The following ST3GAL4 variants were observed in gnomAD, a reference collection of about 807,000 sequenced individuals.
The protein encoded by ST3GAL4 is CMP-N-acetylneuraminate-beta-galactosamide-alpha-2,3-sialyltransferase 4.
ST3GAL4 carries 24 observed loss-of-function variants against 42.6 expected under a neutral mutation model. The observed-to-expected ratio is 0.56, with a 90% CI of 0.41 to 0.79. The LOEUF is 0.79. Ranked by LOEUF, ST3GAL4 falls within the 30% of genes least tolerant of loss-of-function variation. The pLI, the probability that ST3GAL4 is intolerant of heterozygous loss-of-function variation, is 0.00. For missense variants in ST3GAL4, 311 were observed against 430.8 expected, an observed-to-expected ratio of 0.72 and a Z score of 2.46; for synonymous variants, 135 against 163.2, an observed-to-expected ratio of 0.83 and a Z score of 1.32.
At chr11:126,412,252 G>A (rs1954564369) in intron 9 of ST3GAL4, among the ~76,000 whole-genome samples, 1 of 152,160 alleles carries the variant, frequency 6.6e-6, no homozygotes, top group Non-Finnish European at 1.5e-5. Context: ...ACACACTGGT[G>A]GTGAAAGCAA....
At chr11:126,399,158 A>G (rs981005105) in intron 1 of ST3GAL4, among the ~76,000 whole-genome samples, 1 of 152,130 alleles carries the variant, frequency 6.6e-6, no homozygotes, top group Non-Finnish European at 1.5e-5. Flanking sequence ...TTCTTATTAA[A>G]CTATCAAACG....
chr11:126,360,136 C>T (rs745676047), intron 1 of ST3GAL4, among the ~76,000 whole-genome samples: 2 of 152,258 alleles, frequency 1.3e-5, no homozygotes, highest in African/African-American at 4.8e-5. Flanking sequence ...CGGCAGCCCT[C>T]CCTGTCTCTT....
chr11:126,407,965 G>A, intron 6 of ST3GAL4, 134 bp from the exon 7 acceptor site: 2 of 1,007,240 alleles, frequency 2.0e-6, no homozygotes, highest in Non-Finnish European at 2.9e-6. Context: ...GGACCACGGG[G>A]TGATGCCTGC....
In ST3GAL4 at chr11:126,406,237, C is replaced by A. The variant is rs376871531; in HGVS notation, c.16+66C>A. 13 of 1,551,168 alleles carry A rather than the reference C, an allele frequency of 8.4e-6. No individual in the cohort carries two copies. The highest frequency in any genetic ancestry group is 1.0e-5 in the Non-Finnish European group (12 of 1,147,616). ...CCTCAGAAGCCGTCTTCAGCAGGAT[C>A]CTGGGACCTCTGGGGGCTGTGGAGG... On this transcript the variant is annotated intron_variant, in intron 2 of 10. Coordinates refer to ENST00000444328, the MANE Select transcript of ST3GAL4 (RefSeq NM_001254757.2). The surrounding 1 kb of genome is among the most constrained non-coding windows in gnomAD (Gnocchi z 5.4).
chr11:126,378,408 G>T lies in ST3GAL4; in HGVS notation c.-61+22566G>T, dbSNP rs759218779. On this transcript the variant is annotated intron_variant, in intron 1 of 10. Coordinates refer to ENST00000444328, the MANE Select transcript of ST3GAL4 (RefSeq NM_001254757.2). This position sits in a 1 kb window ranked among gnomAD's most constrained non-coding sequence, Gnocchi z 5.3. ...CTGTATGCCATCATCAATTAGGGAT[G>T]ATTGGTTTTCTTTTTATTTGAGACG... Among the ~76,000 whole-genome samples the T allele has an allele frequency of 6.6e-6, 1 of 152,112 alleles. No homozygotes were observed. The highest frequency in any genetic ancestry group is 1.5e-5 in the Non-Finnish European group (1 of 68,016).
At chr11:126,382,144 C>T (rs1368202838) in intron 1 of ST3GAL4, among the ~76,000 whole-genome samples, 1 of 151,582 alleles carries the variant, frequency 6.6e-6, no homozygotes, top group African/African-American at 2.4e-5. Context: ...CTTTGGGGCA[C>T]AGCTGGACTG....
intron 1 of ST3GAL4, among the ~76,000 whole-genome samples, chr11:126,385,188 G>T (rs1170222745): frequency 1.3e-5 from 2 of 150,816 alleles, no homozygotes; most frequent in Admixed American, 6.6e-5. Flanking sequence ...ATGGAGTCTT[G>T]CTCTGTTGCC....
rs2236653 is a variant in ST3GAL4, at chr11:126,413,890, C to T, written c.916-71C>T. The T allele has an allele frequency of 0.44, 680,696 of 1,557,912 alleles. 150,776 individuals are homozygous for T. Among genetic ancestry groups the T allele is most frequent in the East Asian group, 0.66 (29,192 of 44,432 alleles). ...AGAAGTGTGGGGCCATTGGGAGGGG[C>T]AGGGAGACTTTCCTGGGGACAGAGA... On this transcript the variant is annotated intron_variant, in intron 10 of 10. Coordinates refer to ENST00000444328, the MANE Select transcript of ST3GAL4 (RefSeq NM_001254757.2).
chr11:126,375,869 CTTTTTTTTT>C (rs11443803), intron 1 of ST3GAL4, among the ~76,000 whole-genome samples: 2 of 122,646 alleles, frequency 1.6e-5, no homozygotes, highest in Non-Finnish European at 3.4e-5. Context: ...CCTTTTCTTC[CTTTTTTTTT>C]TTTTTTTTTT....
Position 126,410,829 on chromosome 11 carries a change from C to A in ST3GAL4, c.771+1418C>A, listed in dbSNP as rs923625399. 6.6e-6 allele frequency among the ~76,000 whole-genome samples: 1 copy of A among 152,068 alleles called. No homozygotes were observed. Among genetic ancestry groups the A allele is most frequent in the Non-Finnish European group, 1.5e-5 (1 of 68,030 alleles). ...CACAATGGAGAGTTGTTCCCAATGC[C>A]GTGGAATCTCAGAGGAGGGGCAGAC... is the stretch of plus-strand genomic sequence containing the variant. On this transcript the variant is annotated intron_variant, in intron 9 of 10. Coordinates refer to ENST00000444328, the MANE Select transcript of ST3GAL4 (RefSeq NM_001254757.2). The surrounding 1 kb of genome is among the most constrained non-coding windows in gnomAD (Gnocchi z 5.3).
At chr11:126,377,519 C>G (rs1184173199) in intron 1 of ST3GAL4, among the ~76,000 whole-genome samples, 1 of 132,030 alleles carries the variant, frequency 7.6e-6, no homozygotes, top group Non-Finnish European at 1.6e-5. Flanking sequence ...CTCACTCTGT[C>G]TTGCCCAGGC....
Position 126,413,624 on chromosome 11 carries a change from G to A in ST3GAL4, c.891G>A (p.Glu297=), listed in dbSNP as rs1278360644. 1.2e-6 allele frequency: 2 copies of A among 1,614,268 alleles called. No individual in the cohort carries two copies. Among genetic ancestry groups the A allele is most frequent in the Non-Finnish European group, 1.7e-6 (2 of 1,180,054 alleles). Residue 297 remains glutamate (E), a synonymous_variant, in exon 10 of 11, where the codon GAG becomes GAA. Coordinates refer to ENST00000444328, the MANE Select transcript of ST3GAL4 (RefSeq NM_001254757.2). ...YNKKQTIHYY[E]QITLKSMAGS... ...AGAAGCAGACCATTCACTACTATGA[G>A]CAGATCACGCTCAAGTCCATGGCGG...
At position 126,383,320 on chromosome 11, in the gene ST3GAL4, T is replaced by TA. The variant is rs201298578; in HGVS notation, c.-60-22775dup. The stretch of plus-strand genomic sequence containing the variant: ...GCTGGCACAGCCACTCCCTGCCCCT[T>TA]AGAGGCTCTGGGCTGCCTGGTGACA... On this transcript the variant is annotated intron_variant, in intron 1 of 10. Transcript: ENST00000444328. This position sits in a 1 kb window ranked among gnomAD's most constrained non-coding sequence, Gnocchi z 4.5. Among the ~76,000 whole-genome samples, 345 of 152,238 alleles carry TA rather than the reference T, an allele frequency of 2.3e-3. 8 individuals carry two copies. The East Asian group carries it at 0.047, about 21-fold the overall frequency.
chr11:126,408,106 T>G lies in ST3GAL4; in HGVS notation c.349T>G (p.Cys117Gly), dbSNP rs1591491841. Residue 117 changes from cysteine (C) to glycine (G), a missense_variant, in exon 7 of 11, where the codon TGC becomes GGC. Cys to Gly is a radical substitution (Grantham distance 159). Coordinates refer to ENST00000444328, the MANE Select transcript of ST3GAL4 (RefSeq NM_001254757.2). Reference protein sequence around the residue: ...SIPKNIQSLRCRRCVVVGNGH... With the variant: ...SIPKNIQSLRGRRCVVVGNGH... ...CTCCTCTTTCTATGGCAGCCTCAGG[T>G]GCCGCCGCTGTGTGGTCGTGGGGAA... The G allele has an allele frequency of 6.2e-7, 1 of 1,613,488 alleles. No individual in the cohort carries two copies. Among genetic ancestry groups the G allele is most frequent in the African/African-American group, 1.3e-5 (1 of 74,904 alleles).
Position 126,409,322 on chromosome 11 carries a change from C to G in ST3GAL4, c.682C>G (p.Gln228Glu). The G allele has an allele frequency of 2.5e-6, 4 of 1,614,256 alleles. No homozygotes were observed. Among genetic ancestry groups the G allele is most frequent in the Non-Finnish European group, 3.4e-6 (4 of 1,180,048 alleles). ...PPLIWDVNPKQIRILNPFFME... is the reference protein window; with the variant it reads ...PPLIWDVNPKEIRILNPFFME... ...CCTCATCTGGGATGTCAATCCTAAACAGATTCGGATTCTCAACCCCTTCTT... is the reference window on the plus strand; with the variant it reads ...CCTCATCTGGGATGTCAATCCTAAAGAGATTCGGATTCTCAACCCCTTCTT... The change falls in exon 9 of 11, where the codon CAG (glutamine) becomes GAG (glutamate). Residue 228 changes from glutamine to glutamate, a missense_variant. Gln to Glu is a conservative substitution (Grantham distance 29). Coordinates refer to ENST00000444328, the MANE Select transcript of ST3GAL4 (RefSeq NM_001254757.2). This position sits in a 1 kb window ranked among gnomAD's most constrained non-coding sequence, Gnocchi z 4.9.
At position 126,373,754 on chromosome 11, in the gene ST3GAL4, C is replaced by T. The variant is rs3862630; in HGVS notation, c.-61+17912C>T. On this transcript the variant is annotated intron_variant, in intron 1 of 10. Transcript: ENST00000444328. This position sits in a 1 kb window ranked among gnomAD's most constrained non-coding sequence, Gnocchi z 5.5. The stretch of plus-strand genomic sequence containing the variant: ...TGTTTCCATCCTCCCATGCATGACC[C>T]TGAGGCAGTTAGCTGGTCAGTTACT... 0.1 allele frequency among the ~76,000 whole-genome samples: 15,582 copies of T among 152,108 alleles called. 850 individuals are homozygous for T. Among genetic ancestry groups the T allele is most frequent in the Non-Finnish European group, 0.12 (8,354 of 67,988 alleles).
chr11:126,370,514 T>TA (rs1044376095), intron 1 of ST3GAL4, among the ~76,000 whole-genome samples: 2 of 152,264 alleles, frequency 1.3e-5, no homozygotes, highest in Non-Finnish European at 2.9e-5. Context: ...GGGAATTAAC[T>TA]GATAAGTTAA....
rs1565428195 is a variant in ST3GAL4 at position 126,409,842 on chromosome 11, G to T, written c.771+431G>T. On this transcript the variant is annotated intron_variant, in intron 9 of 10. Coordinates refer to ENST00000444328, the MANE Select transcript of ST3GAL4 (RefSeq NM_001254757.2). This position sits in a 1 kb window ranked among gnomAD's most constrained non-coding sequence, Gnocchi z 4.9. ...GAGTTGGAGCTAAACAGTTTGTCTTGCATGTCATGATTTGGTATGGTGTGT... is the reference window on the plus strand; with the variant it reads ...GAGTTGGAGCTAAACAGTTTGTCTTTCATGTCATGATTTGGTATGGTGTGT... 6.6e-6 allele frequency among the ~76,000 whole-genome samples: 1 copy of T among 152,326 alleles called. No individual in the cohort carries two copies. Among genetic ancestry groups the T allele is most frequent in the Non-Finnish European group, 1.5e-5 (1 of 68,034 alleles).
intron 1 of ST3GAL4, among the ~76,000 whole-genome samples, chr11:126,372,727 T>C (rs184886887): frequency 6.6e-5 from 10 of 152,326 alleles, no homozygotes; most frequent in Admixed American, 1.3e-4. Flanking sequence ...CTTTGGATTT[T>C]ATACAGCAAA....
Sources: allele counts gnomAD v4.1 joint callset (sites outside exome capture counted in the v4.1 genomes callset), GRCh38; gene constraint gnomAD v4.1.1; non-coding constraint Gnocchi (gnomAD v3.1); transcripts MANE v1.5; gene names NCBI Gene and HGNC (gene_info 2026-07-23, HGNC 2026-07-21).